ABCC8: variants seen among roughly 807,000 people sequenced by gnomAD.
ABCC8 encodes ATP binding cassette subfamily C member 8, also known as ATP-binding cassette sub-family C member 8.
A neutral mutation model predicts 188.0 loss-of-function variants in ABCC8; 137 were observed. The observed-to-expected ratio is 0.73, with a 90% confidence interval of 0.63 to 0.84. The LOEUF is 0.84. ABCC8 is among the 40% of genes least tolerant of loss of function. The pLI is 0.00. For missense variants in ABCC8, 1,750 were observed against 2,072.7 expected, an observed-to-expected ratio of 0.84 and a Z score of 3.02; for synonymous variants, 797 against 846.5, an observed-to-expected ratio of 0.94 and a Z score of 1.01.
intron 2 of ABCC8, among the ~76,000 whole-genome samples, chr11:17,473,880 C>G (rs538551151): frequency 8.5e-5 from 13 of 152,344 alleles, no homozygotes; most frequent in African/African-American, 3.1e-4. Context: ...CCCAAACATG[C>G]AGGCTGGGAT....
At chr11:17,449,218 AC>A (rs1956663175) in intron 7 of ABCC8, among the ~76,000 whole-genome samples, 1 of 152,110 alleles carries the variant, frequency 6.6e-6, no homozygotes, top group East Asian at 1.9e-4. Flanking sequence ...GAGCCACCGC[AC>A]CCGGTCTGTT....
chr11:17,428,580 G>T lies in ABCC8; in HGVS notation c.1908C>A (p.Ser636Arg), dbSNP rs372567722. 1 of 1,614,016 alleles carries T rather than the reference G, an allele frequency of 6.2e-7. No homozygotes were observed. The highest frequency in any genetic ancestry group is 1.3e-5 in the African/African-American group (1 of 74,946). Residue 636 changes from serine to arginine, a missense_variant, in exon 13 of 39, where the codon AGC becomes AGA. Ser to Arg is a moderately radical substitution (Grantham distance 110). Transcript: ENST00000389817. ...PHEPTPQGPASKYQAVPLRVV... is the reference protein window; with the variant it reads ...PHEPTPQGPARKYQAVPLRVV... ...GGGCACTCACCACCGCCTGGTACTT[G>T]CTGGCTGGGCCCTGAGGTGTGGGCT...
At chr11:17,467,714 G>A (rs1848250330) in intron 3 of ABCC8, among the ~76,000 whole-genome samples, 1 of 152,126 alleles carries the variant, frequency 6.6e-6, no homozygotes, top group South Asian at 2.1e-4. Flanking sequence ...CAGCCCCTTG[G>A]AGGGCTGGCC....
Position 17,408,477 on chromosome 11 carries a change from G to C in ABCC8, c.2735C>G (p.Thr912Ser), listed in dbSNP as rs1201778397. The C allele has an allele frequency of 6.2e-7, 1 of 1,613,676 alleles. No individual in the cohort carries two copies. The highest frequency in any genetic ancestry group is 1.7e-5 in the Admixed American group (1 of 60,026). Residue 912 changes from threonine (T) to serine (S), a missense_variant, in exon 23 of 39, where the codon ACC becomes AGC. Transcript: ENST00000389817. ...MKDGTIQREG[T>S]LKDFQRSECQ... is the part of the protein sequence containing the mutation. ...TTCAGACCTCTGGAAGTCCTTGAGG[G>C]TACCCTCCCTCTGGATGGTGCCATC...
intron 2 of ABCC8, among the ~76,000 whole-genome samples, chr11:17,471,215 T>C (rs188694851): frequency 6.6e-6 from 1 of 152,200 alleles, no homozygotes; most frequent in Admixed American, 6.5e-5. Context: ...GGGGCTGCCA[T>C]GCTCAGAGCT....
At chr11:17,457,017 G>A (rs1957019847) in intron 6 of ABCC8, among the ~76,000 whole-genome samples, 1 of 152,080 alleles carries the variant, frequency 6.6e-6, no homozygotes, top group Admixed American at 6.6e-5. Context: ...ACAGATAAGG[G>A]GCATCTAATT....
chr11:17,456,485 A>G (rs973658131), intron 6 of ABCC8, among the ~76,000 whole-genome samples: 5 of 152,272 alleles, frequency 3.3e-5, no homozygotes, highest in African/African-American at 7.2e-5. Flanking sequence ...CTGGTGCTTA[A>G]AGGAGAGGGG....
chr11:17,466,166 C>T (rs1424307318), intron 3 of ABCC8, among the ~76,000 whole-genome samples: 3 of 151,954 alleles, frequency 2.0e-5, no homozygotes, highest in Admixed American at 6.6e-5. Context: ...TTTGGGAGGC[C>T]GAGGTGGGCA....
intron 8 of ABCC8, among the ~76,000 whole-genome samples, chr11:17,447,322 C>T (rs1218067323): frequency 2.0e-5 from 3 of 152,196 alleles, no homozygotes; most frequent in Non-Finnish European, 2.9e-5. Flanking sequence ...GAGGTCAGAT[C>T]AATCATGCTG....
intron 2 of ABCC8, among the ~76,000 whole-genome samples, chr11:17,473,413 G>C (rs1848585309): frequency 6.6e-6 from 1 of 152,176 alleles, no homozygotes; most frequent in Non-Finnish European, 1.5e-5. Flanking sequence ...CTGAAGCCAG[G>C]ATGCAGGGAC....
intron 38 of ABCC8, 35 bp downstream of exon 38, chr11:17,393,662 G>T (rs920949521): frequency 8.1e-6 from 13 of 1,613,924 alleles, no homozygotes; most frequent in Non-Finnish European, 6.8e-6. Flanking sequence ...CCTGTCCCTG[G>T]GTGTCCCTCT....
rs892521554 is a variant in ABCC8, at chr11:17,405,438, C to T, written c.3399+56G>A. On this transcript the variant is annotated intron_variant, in intron 27 of 38. Coordinates refer to ENST00000389817, the MANE Select transcript of ABCC8 (RefSeq NM_000352.6). ...AACCCAGCCTCAGACAGGAGAAGCC[C>T]CCAGGGGTCCGAGGTGTCTCTGGAA... 6.2e-6 allele frequency: 10 copies of T among 1,612,714 alleles called. No homozygotes were observed. In the African/African-American group the frequency reaches 1.2e-4, roughly 19 times the overall value.
intron 3 of ABCC8, among the ~76,000 whole-genome samples, chr11:17,465,116 G>A (rs989969468): frequency 2.0e-5 from 3 of 152,170 alleles, no homozygotes; most frequent in African/African-American, 4.8e-5. Context: ...CAGAAGCATC[G>A]GCCTTCTGCT....
rs560269123 is a variant in ABCC8 at position 17,408,175 on chromosome 11, C to T, written c.2820+217G>A. ...TTGCAACTAAATAGTATCTGACTAC[C>T]TCAGGATAAGGCGAAGGTGCCCACC... On this transcript the variant is annotated intron_variant, in intron 23 of 38. Coordinates refer to ENST00000389817, the MANE Select transcript of ABCC8 (RefSeq NM_000352.6). 3.1e-5 allele frequency: 16 copies of T among 509,276 alleles called. No individual in the cohort carries two copies. In the South Asian group the frequency reaches 4.3e-4, roughly 14 times the overall value. 31.5% of individuals were successfully genotyped at this position (509,276 alleles called of 1,614,324 possible). A position where few individuals can be genotyped will look rare whatever the true frequency, so the allele number is the denominator to read the frequency against.
At chr11:17,467,029 T>G (rs1023061920) in intron 3 of ABCC8, among the ~76,000 whole-genome samples, 1 of 130,370 alleles carries the variant, frequency 7.7e-6, no homozygotes, top group Non-Finnish European at 1.6e-5. Context: ...AATTTTATGT[T>G]AAACATGTTA....
At chr11:17,401,306 CA>C (rs1364358619) in intron 29 of ABCC8, among the ~76,000 whole-genome samples, 15 of 152,360 alleles carry the variant, frequency 9.8e-5, no homozygotes, top group Non-Finnish European at 1.9e-4. Flanking sequence ...CAGTCCCCAG[CA>C]AGCTTCTTTG....
Position 17,427,034 on chromosome 11 carries a change from G to A in ABCC8, c.2222+15C>T, listed in dbSNP as rs377174421. The stretch of plus-strand genomic sequence containing the variant: ...AGATTTCCCCTCCACTGGGCCCTGA[G>A]GATACATGTATTACCTGCTCCAGAA... On this transcript the variant is annotated intron_variant, in intron 16 of 38. Transcript: ENST00000389817. The surrounding 1 kb of genome is among the most constrained non-coding windows in gnomAD (Gnocchi z 5.0). 1 of 1,613,196 alleles carries A rather than the reference G, an allele frequency of 6.2e-7. No individual in the cohort carries two copies. Among genetic ancestry groups the A allele is most frequent in the Non-Finnish European group, 8.5e-7 (1 of 1,179,598 alleles).
intron 16 of ABCC8, among the ~76,000 whole-genome samples, chr11:17,419,806 T>C (rs1350205363): frequency 6.6e-6 from 1 of 152,112 alleles, no homozygotes; most frequent in Admixed American, 6.5e-5. Context: ...GTGCGAGAAG[T>C]AGGAAAAATA....
intron 16 of ABCC8, among the ~76,000 whole-genome samples, chr11:17,424,748 GACAAT>G (rs1955507789): frequency 6.6e-6 from 1 of 152,212 alleles, no homozygotes; most frequent in Non-Finnish European, 1.5e-5. Context: ...ATGGGGCTTG[GACAAT>G]AACCCTTAGG....
Sources: allele counts gnomAD v4.1 joint callset (sites outside exome capture counted in the v4.1 genomes callset), GRCh38; gene constraint gnomAD v4.1.1; non-coding constraint Gnocchi (gnomAD v3.1); transcripts MANE v1.5; gene names NCBI Gene and HGNC (gene_info 2026-07-23, HGNC 2026-07-21).